The following INPP5A variants were observed in gnomAD, a reference collection of about 807,000 sequenced individuals.
The protein encoded by INPP5A is 43 kDa inositol polyphosphate 5-phophatase.
In INPP5A, 14 loss-of-function variants were observed where a neutral mutation model predicts 65.2. The observed-to-expected ratio is 0.21, with a 90% CI of 0.14 to 0.34. The LOEUF (loss-of-function observed/expected upper bound fraction) is 0.34, where lower values mean the gene tolerates loss of function less well. INPP5A is among the 10% of genes least tolerant of loss of function. INPP5A has a pLI of 1.00. For missense variants in INPP5A, 431 were observed against 545.6 expected, an observed-to-expected ratio of 0.79 and a Z score of 2.09; for synonymous variants, 207 against 208.3, an observed-to-expected ratio of 0.99 and a Z score of 0.05.
intron 1 of INPP5A, among the ~76,000 whole-genome samples, chr10:132,602,916 A>G (rs1036193601): frequency 6.6e-6 from 1 of 152,106 alleles, no homozygotes; most frequent in African/African-American, 2.4e-5. Flanking sequence ...CTGTTTTTCT[A>G]CCACGATGAC....
chr10:132,729,018 G>A (rs999384464), intron 9 of INPP5A, among the ~76,000 whole-genome samples: 1 of 144,936 alleles, frequency 6.9e-6, no homozygotes, highest in Non-Finnish European at 1.5e-5. Flanking sequence ...GGTCTCAGCA[G>A]GCGTGGGGGG....
intron 4 of INPP5A, among the ~76,000 whole-genome samples, chr10:132,668,435 T>C (rs1476748033): frequency 1.3e-5 from 2 of 152,194 alleles, no homozygotes; most frequent in African/African-American, 4.8e-5. Context: ...CGGACTTCTT[T>C]TGGCGAAAAT....
At chr10:132,656,504 A>G (rs549597663) in intron 4 of INPP5A, among the ~76,000 whole-genome samples, 1 of 152,250 alleles carries the variant, frequency 6.6e-6, no homozygotes, top group African/African-American at 2.4e-5. Context: ...CTGCTTGGGA[A>G]GGTACCTGCT....
At chr10:132,566,260 G>A (rs147751997) in intron 1 of INPP5A, among the ~76,000 whole-genome samples, 126 of 152,288 alleles carry the variant, frequency 8.3e-4, no homozygotes, top group African/African-American at 3.0e-3. Flanking sequence ...TAAAAAGATT[G>A]ATCGACTTGT....
chr10:132,610,815 T>C (rs1017245972), intron 2 of INPP5A, among the ~76,000 whole-genome samples: 8 of 152,252 alleles, frequency 5.3e-5, no homozygotes, highest in African/African-American at 1.9e-4. Flanking sequence ...CTGAAGAAGC[T>C]CTTGTTCTCC....
chr10:132,633,262 C>T (rs1483436129), intron 2 of INPP5A, among the ~76,000 whole-genome samples: 3 of 152,176 alleles, frequency 2.0e-5, no homozygotes, highest in Non-Finnish European at 4.4e-5. Flanking sequence ...GGAGTCATTG[C>T]TCATCAGTGA....
rs879928204 is a variant in INPP5A at position 132,771,673 on chromosome 10, GA to G, written c.977+5828del. ...CAGCCGCCCCGCGAAGAGTGGGACA[GA>G]CACTCAGCACTGACACAGAGGCCAC... On this transcript the variant is annotated intron_variant, in intron 12 of 15. Coordinates refer to ENST00000368594, the MANE Select transcript of INPP5A (RefSeq NM_005539.5). 6.8e-3 allele frequency among the ~76,000 whole-genome samples: 774 copies of G among 113,776 alleles called. 2 individuals are homozygous for G. The highest frequency in any genetic ancestry group is 0.011 in the Non-Finnish European group (557 of 52,136). The allele number at this position is 113,776 out of a possible 152,430, so 74.6% of individuals were successfully genotyped here. A position where few individuals can be genotyped will look rare whatever the true frequency, so the allele number is the denominator to read the frequency against.
intron 12 of INPP5A, among the ~76,000 whole-genome samples, chr10:132,774,504 T>C (rs913162169): frequency 1.3e-5 from 2 of 152,212 alleles, no homozygotes; most frequent in African/African-American, 4.8e-5. Flanking sequence ...CGTTCACTTG[T>C]GGTTCAGGGC....
chr10:132,552,194 G>C (rs976140966), intron 1 of INPP5A, among the ~76,000 whole-genome samples: 2 of 148,786 alleles, frequency 1.3e-5, no homozygotes, highest in African/African-American at 5.0e-5. Context: ...TGCCTTCTCA[G>C]AGCCTTGGTG....
At position 132,708,539 on chromosome 10, in the gene INPP5A, C is replaced by T. The variant is rs569052878; in HGVS notation, c.527+174C>T. 82 of 764,084 alleles carry T rather than the reference C, an allele frequency of 1.1e-4. 1 individual carries two copies. The highest frequency in any genetic ancestry group is 5.5e-4 in the South Asian group (40 of 72,372). The allele number at this position is 764,084 out of a possible 1,614,324, so 47.3% of individuals were successfully genotyped here. On this transcript the variant is annotated intron_variant, in intron 7 of 15. Transcript: ENST00000368594. ...CCCTTTTGGTTCACGGCGATGCATT[C>T]GGAGCATTGTCACTGTTCCCTGTAA...
At chr10:132,622,948 T>C (rs2072126470) in intron 2 of INPP5A, among the ~76,000 whole-genome samples, 1 of 148,388 alleles carries the variant, frequency 6.7e-6, no homozygotes, top group Non-Finnish European at 1.5e-5. Context: ...TTGAGAAATA[T>C]ACCGTCCGTG....
chr10:132,681,836 C>G (rs2073050150), intron 4 of INPP5A, among the ~76,000 whole-genome samples: 1 of 152,178 alleles, frequency 6.6e-6, no homozygotes, highest in East Asian at 1.9e-4. Context: ...GGAAGCAGTA[C>G]CATGGAATAT....
chr10:132,612,646 G>A (rs1450691771), intron 2 of INPP5A, among the ~76,000 whole-genome samples: 3 of 152,174 alleles, frequency 2.0e-5, no homozygotes, highest in South Asian at 2.1e-4. Context: ...GGACAGTGGC[G>A]CTGGCTGGAG....
chr10:132,613,361 G>A (rs1038442984), intron 2 of INPP5A, among the ~76,000 whole-genome samples: 11 of 152,092 alleles, frequency 7.2e-5, no homozygotes, highest in Non-Finnish European at 1.6e-4. Flanking sequence ...CTGCTGGGCG[G>A]TTTGTGGGAC....
chr10:132,610,479 A>C (rs2071929385), intron 2 of INPP5A, among the ~76,000 whole-genome samples: 1 of 152,204 alleles, frequency 6.6e-6, no homozygotes, highest in Non-Finnish European at 1.5e-5. Flanking sequence ...TTCCCAAGCG[A>C]GGTGCTGGCC....
In INPP5A at chr10:132,659,082, C is replaced by T. The variant is rs150807639; in HGVS notation, c.306+8577C>T. Among the ~76,000 whole-genome samples, 225 of 152,274 alleles carry T rather than the reference C, an allele frequency of 1.5e-3. No homozygotes were observed. Among genetic ancestry groups the T allele is most frequent in the African/African-American group, 5.3e-3 (219 of 41,556 alleles). Reference sequence around the variant, plus strand: ...CCCTGGGGATGAGCAGCCCAGGAGGCGAAGATGCCTAGGTGGGTCCCCAGC... The same window carrying T: ...CCCTGGGGATGAGCAGCCCAGGAGGTGAAGATGCCTAGGTGGGTCCCCAGC... On this transcript the variant is annotated intron_variant, in intron 4 of 15. Transcript: ENST00000368594. The surrounding 1 kb of genome is among the most constrained non-coding windows in gnomAD (Gnocchi z 5.5).
chr10:132,780,010 C>G lies in INPP5A; in HGVS notation c.1090-839C>G, dbSNP rs558280941. The stretch of plus-strand genomic sequence containing the variant: ...CACGCTGCGTTTGATGAATGTTTCT[C>G]CACTTCTGCGGAGGCGCCGCTTCAC... On this transcript the variant is annotated intron_variant, in intron 13 of 15. Coordinates refer to ENST00000368594, the MANE Select transcript of INPP5A (RefSeq NM_005539.5). 3.9e-4 allele frequency among the ~76,000 whole-genome samples: 59 copies of G among 152,404 alleles called. No individual in the cohort carries two copies. In the East Asian group the frequency reaches 7.9e-3, roughly 20 times the overall value.
At position 132,778,014 on chromosome 10, in the gene INPP5A, C is replaced by G; in HGVS notation, c.1089+232C>G. On this transcript the variant is annotated intron_variant, in intron 13 of 15. Coordinates refer to ENST00000368594, the MANE Select transcript of INPP5A (RefSeq NM_005539.5). Reference sequence around the variant, plus strand: ...TGGAGCCGAGTTCCTGGGCCATGGGCAGCCAGCGTCATCCTGAGTTTGAAA... The same window carrying G: ...TGGAGCCGAGTTCCTGGGCCATGGGGAGCCAGCGTCATCCTGAGTTTGAAA... 3 of 1,170,696 alleles carry G rather than the reference C, an allele frequency of 2.6e-6. No individual in the cohort carries two copies. In the East Asian group the frequency reaches 7.8e-5, roughly 30 times the overall value. The allele number at this position is 1,170,696 out of a possible 1,614,324, so 72.5% of individuals were successfully genotyped here. A position where few individuals can be genotyped will look rare whatever the true frequency, so the allele number is the denominator to read the frequency against.
chr10:132,571,907 C>T (rs897695070), intron 1 of INPP5A, among the ~76,000 whole-genome samples: 5 of 151,744 alleles, frequency 3.3e-5, no homozygotes, highest in Non-Finnish European at 5.9e-5. Flanking sequence ...TGTTAACGAC[C>T]GACTGGGCTA....
Sources: allele counts gnomAD v4.1 joint callset (sites outside exome capture counted in the v4.1 genomes callset), GRCh38; gene constraint gnomAD v4.1.1; non-coding constraint Gnocchi (gnomAD v3.1); transcripts MANE v1.5; gene names NCBI Gene and HGNC (gene_info 2026-07-23, HGNC 2026-07-21).